Variants in IQCJ observed in about 807,000 individuals in gnomAD.
IQCJ encodes IQ domain-containing protein J.
Under a neutral mutation model 11.0 loss-of-function variants are expected in IQCJ, and 9 were observed. The observed-to-expected ratio is 0.82, with a 90% CI of 0.49 to 1.43. The LOEUF (loss-of-function observed/expected upper bound fraction) is 1.43, where lower values mean the gene tolerates loss of function less well. Among genes scored for constraint, IQCJ ranks in the 40% most tolerant of loss-of-function variants. IQCJ has a pLI of 0.00. For synonymous variants in IQCJ, 55 were observed against 51.3 expected, an observed-to-expected ratio of 1.07 and a Z score of -0.31; for missense variants, 146 against 133.2, an observed-to-expected ratio of 1.10 and a Z score of -0.47.
At chr3:159,252,658 A>G in intron 2 of IQCJ, 69 bp from the exon 3 acceptor site, 1 of 1,317,576 alleles carries the variant, frequency 7.6e-7, no homozygotes. Flanking sequence ...AGTATAAATT[A>G]GCAGTATTAT....
chr3:159,182,577 C>T (rs1180491175), intron 1 of IQCJ, among the ~76,000 whole-genome samples: 3 of 151,982 alleles, frequency 2.0e-5, no homozygotes, highest in African/African-American at 7.3e-5. Flanking sequence ...ATTCCTGTCC[C>T]TTTTAAGGGC....
At chr3:159,262,491 C>A in intron 3 of IQCJ, 57 bp from the exon 4 acceptor site, 2 of 1,576,614 alleles carry the variant, frequency 1.3e-6, no homozygotes, top group Non-Finnish European at 8.6e-7. Flanking sequence ...AGTCTGTGGA[C>A]CATGATCCAA....
intron 1 of IQCJ, among the ~76,000 whole-genome samples, chr3:159,101,286 T>G (rs1434255384): frequency 2.6e-5 from 4 of 151,210 alleles, no homozygotes; most frequent in Non-Finnish European, 4.4e-5. Flanking sequence ...CCTAGTGAGA[T>G]GAACCCGGTA....
intron 1 of IQCJ, among the ~76,000 whole-genome samples, chr3:159,092,622 TG>T (rs2108084940): frequency 6.6e-6 from 1 of 151,062 alleles, no homozygotes; most frequent in Admixed American, 6.6e-5. Context: ...GGTGTGAACC[TG>T]GGAGGCGGAG....
intron 1 of IQCJ, among the ~76,000 whole-genome samples, chr3:159,238,137 A>T (rs993699727): frequency 6.6e-6 from 1 of 152,154 alleles, no homozygotes; most frequent in Non-Finnish European, 1.5e-5. Context: ...TTATGGGAAT[A>T]TGCACTATCT....
At position 159,263,666 on chromosome 3, in the gene IQCJ, C is replaced by A; in HGVS notation, c.*935C>A. 1 of 985,216 alleles carries A rather than the reference C, an allele frequency of 1.0e-6. No homozygotes were observed. The highest frequency in any genetic ancestry group is 1.2e-6 in the Non-Finnish European group (1 of 829,880). The allele number at this position is 985,216 out of a possible 1,614,324, so 61.0% of individuals were successfully genotyped here. A position where few individuals can be genotyped will look rare whatever the true frequency, so the allele number is the denominator to read the frequency against. ...TAAAAAGGTTTCCCAACACTCAACGCAATGTATTCTTTTTGGGATCAGGTA... is the reference window on the plus strand; with the variant it reads ...TAAAAAGGTTTCCCAACACTCAACGAAATGTATTCTTTTTGGGATCAGGTA... On this transcript the variant is annotated 3_prime_UTR_variant, in exon 4 of 4. Transcript: ENST00000397832.
At chr3:159,216,142 C>T (rs1382391466) in intron 1 of IQCJ, among the ~76,000 whole-genome samples, 2 of 151,742 alleles carry the variant, frequency 1.3e-5, no homozygotes, top group Non-Finnish European at 2.9e-5. Context: ...CTTATGCTCC[C>T]TACACTCTTC....
intron 1 of IQCJ, among the ~76,000 whole-genome samples, chr3:159,169,919 C>G (rs1176830140): frequency 6.6e-6 from 1 of 151,982 alleles, no homozygotes; most frequent in African/African-American, 2.4e-5. Context: ...AGACTTCCAC[C>G]CCTCATCACT....
chr3:159,092,671 C>T (rs2108085109), intron 1 of IQCJ, among the ~76,000 whole-genome samples: 1 of 143,600 alleles, frequency 7.0e-6, no homozygotes. Flanking sequence ...GCACTCCAGC[C>T]TGGGCGACAG....
chr3:159,128,604 C>T (rs1485982320), intron 1 of IQCJ, among the ~76,000 whole-genome samples: 1 of 152,136 alleles, frequency 6.6e-6, no homozygotes, highest in South Asian at 2.1e-4. Flanking sequence ...ACTGACCTCC[C>T]CTCTGTGTAA....
intron 1 of IQCJ, among the ~76,000 whole-genome samples, chr3:159,226,550 G>T (rs1034163334): frequency 6.6e-6 from 1 of 152,180 alleles, no homozygotes; most frequent in Admixed American, 6.5e-5. Context: ...TATGCAAGAT[G>T]CTAATATTGG....
intron 3 of IQCJ, among the ~76,000 whole-genome samples, chr3:159,260,508 T>C (rs1376974399): frequency 1.3e-5 from 2 of 152,128 alleles, no homozygotes; most frequent in East Asian, 1.9e-4. Flanking sequence ...GCAGAATTTG[T>C]TAGCTGGGCT....
At chr3:159,180,719 T>TA (rs1319959324) in intron 1 of IQCJ, among the ~76,000 whole-genome samples, 1 of 151,958 alleles carries the variant, frequency 6.6e-6, no homozygotes, top group Admixed American at 6.5e-5. Context: ...AATTTTCCAT[T>TA]AAAAAGTTGA....
At chr3:159,081,298 C>T (rs1294089476) in intron 1 of IQCJ, among the ~76,000 whole-genome samples, 9 of 152,094 alleles carry the variant, frequency 5.9e-5, no homozygotes, top group East Asian at 3.9e-4. Flanking sequence ...CTCTCTCTGG[C>T]GCCTCATTGC....
chr3:159,248,034 G>A (rs1005624833), intron 2 of IQCJ, among the ~76,000 whole-genome samples: 1 of 152,098 alleles, frequency 6.6e-6, no homozygotes, highest in Non-Finnish European at 1.5e-5. Flanking sequence ...AAAATATCCT[G>A]GAAAATTGAA....
rs760509202 is a variant in IQCJ at position 159,245,841 on chromosome 3, A to G, written c.10-2A>G. ...GTAAGATATATCTTCTCTTTTTCAC[A>G]GGAAGAACTGAAAAGATTGCAGAAT... On this transcript the variant is annotated splice_acceptor_variant, in intron 1 of 3. Transcript: ENST00000397832. LOFTEE classifies it high-confidence loss of function. The G allele has an allele frequency of 1.3e-5, 20 of 1,544,360 alleles. 2 individuals are homozygous for G. In the South Asian group the frequency reaches 2.2e-4, roughly 17 times the overall value.
At chr3:159,092,479 C>G (rs1481529518) in intron 1 of IQCJ, among the ~76,000 whole-genome samples, 2 of 151,802 alleles carry the variant, frequency 1.3e-5, no homozygotes, top group Admixed American at 1.3e-4. Flanking sequence ...GTGGGCGGAT[C>G]ACGAGATCAG....
At chr3:159,239,557 CA>C (rs1200508422) in intron 1 of IQCJ, among the ~76,000 whole-genome samples, 2 of 152,064 alleles carry the variant, frequency 1.3e-5, no homozygotes, top group African/African-American at 4.8e-5. Flanking sequence ...AATCATGATG[CA>C]GGGGGAAGAA....
chr3:159,261,120 T>C (rs1278319930), intron 3 of IQCJ, among the ~76,000 whole-genome samples: 2 of 152,214 alleles, frequency 1.3e-5, no homozygotes, highest in Admixed American at 1.3e-4. Flanking sequence ...CTTTGAACTA[T>C]TCCAGCCAAA....
Sources: allele counts gnomAD v4.1 joint callset (sites outside exome capture counted in the v4.1 genomes callset), GRCh38; gene constraint gnomAD v4.1.1; transcripts MANE v1.5; gene names NCBI Gene and HGNC (gene_info 2026-07-23, HGNC 2026-07-21).